Variants in PTPRD observed in about 807,000 individuals in gnomAD.
PTPRD encodes protein tyrosine phosphatase receptor type D, also known as receptor-type tyrosine-protein phosphatase delta.
PTPRD carries 34 observed loss-of-function variants against 214.5 expected under a neutral mutation model. The observed-to-expected ratio is 0.16, with a 90% CI of 0.12 to 0.21. The LOEUF (loss-of-function observed/expected upper bound fraction) is 0.21. Among genes scored for constraint, PTPRD ranks in the 10% least tolerant of loss-of-function variants. PTPRD has a pLI of 1.00. For missense variants in PTPRD, 2,545 were observed against 2,398.7 expected (o/e 1.06, Z -1.27); for synonymous variants, 1,128 against 845.7 (o/e 1.33, Z -5.79).
chr9:8,441,889 G>A (rs1315189061), intron 34 of PTPRD, among the ~76,000 whole-genome samples: 1 of 152,130 alleles, frequency 6.6e-6, no homozygotes, highest in Non-Finnish European at 1.5e-5. Context: ...CATTTCACAT[G>A]ACGCCATGCT....
intron 11 of PTPRD, among the ~76,000 whole-genome samples, chr9:8,839,964 CGA>C (rs2097527048): frequency 1.3e-5 from 2 of 152,104 alleles, no homozygotes; most frequent in Non-Finnish European, 1.5e-5. Context: ...AAAAATTACT[CGA>C]GTTAGAACAG....
chr9:8,810,679 T>C (rs1250578689), intron 11 of PTPRD, among the ~76,000 whole-genome samples: 2 of 152,290 alleles, frequency 1.3e-5, no homozygotes, highest in Admixed American at 1.3e-4. Context: ...TCTCCAGTTT[T>C]TAAATATTGG....
intron 7 of PTPRD, among the ~76,000 whole-genome samples, chr9:9,734,239 G>T (rs373838226): frequency 2.6e-5 from 4 of 151,962 alleles, no homozygotes; most frequent in Admixed American, 6.6e-5. Flanking sequence ...GTCCTATCAC[G>T]AACTCTTTCA....
intron 4 of PTPRD, among the ~76,000 whole-genome samples, chr9:9,947,365 A>T (rs1263528115): frequency 2.5e-5 from 1 of 40,736 alleles, no homozygotes; most frequent in Non-Finnish European, 3.9e-5. Flanking sequence ...TATATATATT[A>T]TATATATATT....
chr9:9,082,752 C>G (rs954194427), intron 10 of PTPRD, among the ~76,000 whole-genome samples: 6 of 151,954 alleles, frequency 3.9e-5, no homozygotes, highest in Admixed American at 3.3e-4. Context: ...TCCTACACAC[C>G]AATAATAGAC....
chr9:8,425,275 C>T (rs1026134101), intron 35 of PTPRD, among the ~76,000 whole-genome samples: 6 of 152,152 alleles, frequency 3.9e-5, no homozygotes, highest in Admixed American at 3.3e-4. Flanking sequence ...TAAACATAGA[C>T]GTACTCATTT....
rs181358837 is a variant in PTPRD at position 9,414,007 on chromosome 9, T to G, written c.-236-16525A>C. Among the ~76,000 whole-genome samples the G allele has an allele frequency of 3.0e-4, 45 of 152,332 alleles. No homozygotes were observed. In the East Asian group the frequency reaches 7.5e-3, roughly 25 times the overall value. ...AGAATTTTCCCTTGCAACACCTTTTTTCTTTTTCCTTTAGAAATGAGTATT... is the reference window on the plus strand; with the variant it reads ...AGAATTTTCCCTTGCAACACCTTTTGTCTTTTTCCTTTAGAAATGAGTATT... On this transcript the variant is annotated intron_variant, in intron 8 of 45. Coordinates refer to ENST00000381196, the MANE Select transcript of PTPRD (RefSeq NM_002839.4).
intron 2 of PTPRD, among the ~76,000 whole-genome samples, chr9:10,581,200 C>T (rs538981427): frequency 6.6e-6 from 1 of 152,218 alleles, no homozygotes; most frequent in African/African-American, 2.4e-5. Flanking sequence ...TATAACGCTA[C>T]CTGGTGCATA....
intron 12 of PTPRD, among the ~76,000 whole-genome samples, chr9:8,648,533 C>T (rs1433242988): frequency 6.6e-6 from 1 of 152,162 alleles, no homozygotes; most frequent in Non-Finnish European, 1.5e-5. Context: ...TCAGCAACAC[C>T]ATTTAGACAT....
In PTPRD at chr9:10,241,366, C is replaced by T. The variant is rs143134709; in HGVS notation, c.-545+99597G>A. 3.2e-3 allele frequency among the ~76,000 whole-genome samples: 483 copies of T among 151,868 alleles called. 10 individuals are homozygous for T. The highest frequency in any genetic ancestry group is 0.025 in the Admixed American group (378 of 15,210). ...TTCCTAGAGATTTACCCACAAGAAA[C>T]GAAAGAATGTGTCCATTCAAAGACT... On this transcript the variant is annotated intron_variant, in intron 3 of 45. Coordinates refer to ENST00000381196, the MANE Select transcript of PTPRD (RefSeq NM_002839.4).
At chr9:9,394,119 A>G (rs2066879582) in intron 9 of PTPRD, among the ~76,000 whole-genome samples, 2 of 152,204 alleles carry the variant, frequency 1.3e-5, no homozygotes, top group South Asian at 4.1e-4. Flanking sequence ...ATGTAATAAA[A>G]ATAAGTTATT....
intron 10 of PTPRD, among the ~76,000 whole-genome samples, chr9:9,164,991 G>T (rs1428773781): frequency 6.7e-6 from 1 of 150,140 alleles, no homozygotes; most frequent in Non-Finnish European, 1.5e-5. Flanking sequence ...GGCAGAGGTT[G>T]CAGTGAGCTG....
At chr9:9,683,297 G>A (rs1163532960) in intron 7 of PTPRD, among the ~76,000 whole-genome samples, 1 of 151,682 alleles carries the variant, frequency 6.6e-6, no homozygotes, top group East Asian at 1.9e-4. Context: ...CAGGCACTCA[G>A]GGGTAAATTG....
intron 2 of PTPRD, among the ~76,000 whole-genome samples, chr9:10,355,589 C>A (rs1233249848): frequency 1.3e-5 from 2 of 151,908 alleles, no homozygotes; most frequent in Non-Finnish European, 2.9e-5. Context: ...AGCGATTCTC[C>A]TTCCTCAGCC....
intron 3 of PTPRD, among the ~76,000 whole-genome samples, chr9:10,189,264 G>GCAGC (rs1382335624): frequency 2.6e-5 from 4 of 152,128 alleles, no homozygotes; most frequent in African/African-American, 7.2e-5. Context: ...CACTTTTAGG[G>GCAGC]TGACTCCAGC....
chr9:8,514,882 TGTC>T (rs977774299), intron 21 of PTPRD, among the ~76,000 whole-genome samples: 7 of 152,154 alleles, frequency 4.6e-5, no homozygotes, highest in Admixed American at 2.6e-4. Flanking sequence ...CCTATGCCGT[TGTC>T]GTGATAGTGA....
At chr9:9,943,530 T>A (rs1185627292) in intron 4 of PTPRD, among the ~76,000 whole-genome samples, 1 of 152,192 alleles carries the variant, frequency 6.6e-6, no homozygotes, top group African/African-American at 2.4e-5. Flanking sequence ...GGAACATATC[T>A]TCTAGTTGGA....
chr9:8,416,262 T>C (rs1216683923), intron 35 of PTPRD, among the ~76,000 whole-genome samples: 1 of 152,168 alleles, frequency 6.6e-6, no homozygotes, highest in Admixed American at 6.6e-5. Flanking sequence ...GTACTTTTGT[T>C]AAAATATATA....
intron 11 of PTPRD, among the ~76,000 whole-genome samples, chr9:8,917,447 A>G (rs1394991667): frequency 6.6e-6 from 1 of 151,718 alleles, no homozygotes; most frequent in Non-Finnish European, 1.5e-5. Flanking sequence ...TACATAACAG[A>G]TTGTTTCTAT....
Sources: allele counts gnomAD v4.1 joint callset (sites outside exome capture counted in the v4.1 genomes callset), GRCh38; gene constraint gnomAD v4.1.1; transcripts MANE v1.5; gene names NCBI Gene and HGNC (gene_info 2026-07-23, HGNC 2026-07-21).